The following PROK2 variants were observed in gnomAD, a reference collection of about 807,000 sequenced individuals.
PROK2 encodes prokineticin 2, also known as prokineticin-2.
In PROK2, 8 loss-of-function variants were observed where a neutral mutation model predicts 14.2. That is an observed-to-expected ratio of 0.56 (90% CI 0.33 to 1.02). PROK2 has a LOEUF of 1.02. Ranked by LOEUF, PROK2 falls within the 50% of genes least tolerant of loss-of-function variation. The pLI is 0.03. For missense variants in PROK2, 154 were observed against 160.4 expected (o/e 0.96, Z 0.22); for synonymous variants, 59 against 60.7 (o/e 0.97, Z 0.13).
chr3:71,772,821 A>T lies in PROK2; in HGVS notation c.293T>A (p.Phe98Tyr). The change falls in exon 4 of 4, where the codon TTT (phenylalanine) becomes TAT (tyrosine). Residue 98 changes from phenylalanine to tyrosine, a missense_variant. Coordinates refer to ENST00000295619, the MANE Select transcript of PROK2 (RefSeq NM_001126128.2). ...KRSKRKKEVP[F>Y]FGRRMHHTCP... is the part of the protein sequence containing the mutation. The stretch of plus-strand genomic sequence containing the variant: ...AGTGTGATGCATCCTCCGCCCAAAA[A>T]ATGGAACCTAAATAAAAAAGAAAAC... 1 of 1,614,116 alleles carries T rather than the reference A, an allele frequency of 6.2e-7. No homozygotes were observed. The highest frequency in any genetic ancestry group is 8.5e-7 in the Non-Finnish European group (1 of 1,179,930).
intron 3 of PROK2, among the ~76,000 whole-genome samples, chr3:71,773,794 A>G (rs1578408068): frequency 6.6e-6 from 1 of 152,206 alleles, no homozygotes; most frequent in Admixed American, 6.5e-5. Flanking sequence ...AGCCCATTTC[A>G]CCAGCCAAGC....
At chr3:71,783,393 A>T (rs2050183831) in intron 1 of PROK2, among the ~76,000 whole-genome samples, 1 of 152,236 alleles carries the variant, frequency 6.6e-6, no homozygotes, top group African/African-American at 2.4e-5. Context: ...TAAAATAACA[A>T]CAACAAAAAC....
chr3:71,779,301 A>G (rs760764465), intron 2 of PROK2, among the ~76,000 whole-genome samples: 14 of 152,240 alleles, frequency 9.2e-5, no homozygotes, highest in Non-Finnish European at 1.5e-5. Context: ...TTAAGACCAC[A>G]TAAACAACAG....
Position 71,774,652 on chromosome 3 carries a change from T to C in PROK2, c.223-145A>G, listed in dbSNP as rs1356853662. Reference sequence around the variant, plus strand: ...GTTCCTCTGTCCTTTTGCTATGTCATGACTTCCCAGGTTCTAATGACAGCA... The same window carrying C: ...GTTCCTCTGTCCTTTTGCTATGTCACGACTTCCCAGGTTCTAATGACAGCA... On this transcript the variant is annotated intron_variant, in intron 2 of 3. Transcript: ENST00000295619. 8 of 1,128,250 alleles carry C rather than the reference T, an allele frequency of 7.1e-6. No homozygotes were observed. The South Asian group carries it at 1.0e-4, about 14-fold the overall frequency. The allele number at this position is 1,128,250 out of a possible 1,614,324, so 69.9% of individuals were successfully genotyped here. A position where few individuals can be genotyped will look rare whatever the true frequency, so the allele number is the denominator to read the frequency against.
chr3:71,772,886 A>C, intron 3 of PROK2, 58 bp from the exon 4 acceptor site: 1 of 1,453,576 alleles, frequency 6.9e-7, no homozygotes, highest in Non-Finnish European at 9.6e-7. Context: ...AAACAAACCA[A>C]ATCATTCTTG....
At chr3:71,776,486 T>C (rs1418126910) in intron 2 of PROK2, among the ~76,000 whole-genome samples, 1 of 145,634 alleles carries the variant, frequency 6.9e-6, no homozygotes, top group Non-Finnish European at 1.5e-5. Flanking sequence ...CAAGTGATGC[T>C]CCCACCTCAG....
chr3:71,783,014 G>A (rs921750299), intron 1 of PROK2, among the ~76,000 whole-genome samples: 3 of 152,140 alleles, frequency 2.0e-5, no homozygotes, highest in African/African-American at 7.2e-5. Flanking sequence ...TCTAGTCAAT[G>A]ATCTTTTACA....
At chr3:71,781,356 C>A in intron 2 of PROK2, 111 bp downstream of exon 2, 1 of 1,376,618 alleles carries the variant, frequency 7.3e-7, no homozygotes, top group Non-Finnish European at 1.0e-6. Flanking sequence ...TTGCTAATGT[C>A]CAATATTCAT....
chr3:71,776,032 C>T (rs970171307), intron 2 of PROK2, among the ~76,000 whole-genome samples: 3 of 152,078 alleles, frequency 2.0e-5, no homozygotes, highest in Non-Finnish European at 4.4e-5. Context: ...CCCAAGAGGC[C>T]GAAGCCCCTC....
intron 2 of PROK2, among the ~76,000 whole-genome samples, chr3:71,775,391 A>G (rs929402239): frequency 7.9e-5 from 12 of 152,322 alleles, no homozygotes; most frequent in Admixed American, 5.2e-4. Context: ...TCTTGATCAT[A>G]CAAGACAGAA....
In PROK2 at chr3:71,772,642, A is replaced by C. The variant is rs2050088780; in HGVS notation, c.*82T>G. ...GGAAGCAAGAGCATTTCTTTCTGGC[A>C]CATTTTTTGTTTGGCACAATCACAA... On this transcript the variant is annotated 3_prime_UTR_variant, in exon 4 of 4. Transcript: ENST00000295619. 5.8e-6 allele frequency: 7 copies of C among 1,213,430 alleles called. No individual in the cohort carries two copies. Among genetic ancestry groups the C allele is most frequent in the African/African-American group, 1.5e-5 (1 of 66,818 alleles). 75.2% of individuals were successfully genotyped at this position (1,213,430 alleles called of 1,614,324 possible). A position where few individuals can be genotyped will look rare whatever the true frequency, so the allele number is the denominator to read the frequency against.
chr3:71,781,226 A>G (rs2050157402), intron 2 of PROK2, among the ~76,000 whole-genome samples: 2 of 152,206 alleles, frequency 1.3e-5, no homozygotes, highest in Non-Finnish European at 2.9e-5. Flanking sequence ...ATATTGGTAA[A>G]ATGCTTCTAA....
chr3:71,783,244 T>C (rs1305228574), intron 1 of PROK2, among the ~76,000 whole-genome samples: 1 of 152,202 alleles, frequency 6.6e-6, no homozygotes, highest in Non-Finnish European at 1.5e-5. Flanking sequence ...ATGTTTAACA[T>C]GCTATACACA....
chr3:71,777,251 T>C (rs899982241), intron 2 of PROK2, among the ~76,000 whole-genome samples: 4 of 152,226 alleles, frequency 2.6e-5, no homozygotes, highest in African/African-American at 9.6e-5. Flanking sequence ...TATGATGCTA[T>C]CCCAAGAAAT....
chr3:71,779,192 G>A (rs2050142998), intron 2 of PROK2, among the ~76,000 whole-genome samples: 1 of 152,178 alleles, frequency 6.6e-6, no homozygotes, highest in Non-Finnish European at 1.5e-5. Flanking sequence ...TGATCATTTT[G>A]TCTCTGTTAT....
In PROK2 at chr3:71,772,816, C is replaced by G. The variant is rs1559624031; in HGVS notation, c.298G>C (p.Gly100Arg). The G allele has an allele frequency of 1.2e-6, 2 of 1,613,858 alleles. No homozygotes were observed. Among genetic ancestry groups the G allele is most frequent in the Non-Finnish European group, 1.7e-6 (2 of 1,179,940 alleles). The change falls in exon 4 of 4, where the codon GGG becomes CGG. Residue 100 changes from glycine to arginine, a missense_variant. Gly to Arg is a moderately radical substitution (Grantham distance 125, BLOSUM62 -2). Transcript: ENST00000295619. ...SKRKKEVPFF[G>R]RRMHHTCPCL... ...GGGCAAGTGTGATGCATCCTCCGCC[C>G]AAAAAATGGAACCTAAATAAAAAAG...
chr3:71,781,403 A>G (rs2050159217), intron 2 of PROK2, 64 bp downstream of exon 2: 3 of 1,579,544 alleles, frequency 1.9e-6, no homozygotes, highest in Admixed American at 1.7e-5. Context: ...CCTTCATGTC[A>G]TACAGACCCT....
chr3:71,779,709 C>A (rs1332009899), intron 2 of PROK2, among the ~76,000 whole-genome samples: 1 of 152,104 alleles, frequency 6.6e-6, no homozygotes, highest in Non-Finnish European at 1.5e-5. Flanking sequence ...TTCTACTGAT[C>A]CCCTCCCCCA....
At chr3:71,777,835 C>A (rs7632932) in intron 2 of PROK2, among the ~76,000 whole-genome samples, 122,815 of 151,494 alleles carry the variant, frequency 0.81, 50,378 homozygotes, top group Non-Finnish European at 0.88. Context: ...TAATAGAAAC[C>A]TTGTTGTTTT....
Sources: gnomAD v4.1 joint callset for allele counts (sites outside exome capture counted in the v4.1 genomes callset) on GRCh38, gnomAD v4.1.1 for gene constraint, MANE v1.5 for transcripts, NCBI Gene and HGNC (gene_info 2026-07-23, HGNC 2026-07-21) for gene names.